The following GNAT2 variants were observed in gnomAD, a reference collection of about 807,000 sequenced individuals.
GNAT2 encodes the protein G protein subunit alpha transducin 2, also known as guanine nucleotide-binding protein G(t) subunit alpha-2.
In GNAT2, 32 loss-of-function variants were observed where a neutral mutation model predicts 40.9. The ratio of observed to expected loss-of-function variants is 0.78; its 90% CI spans 0.59 to 1.05. The LOEUF is 1.05. GNAT2 is among the 50% of genes least tolerant of loss of function. The pLI is 0.00. For missense variants in GNAT2, 355 were observed against 431.5 expected (o/e 0.82, Z 1.57); for synonymous variants, 141 against 157.2 (o/e 0.90, Z 0.77).
rs960869286 is a variant in GNAT2, at chr1:109,603,540, G to T, written c.879C>A (p.Asn293Lys). 1 of 1,603,748 alleles carries T rather than the reference G, an allele frequency of 6.2e-7. No individual in the cohort carries two copies. Among genetic ancestry groups the T allele is most frequent in the Non-Finnish European group, 8.5e-7 (1 of 1,170,642 alleles). The change falls in exon 9 of 9, where the codon AAC becomes AAA. Residue 293 changes from asparagine (N) to lysine (K), a missense_variant. Physicochemically the swap from Asn to Lys is moderately conservative, Grantham distance 94. Transcript: ENST00000679935. Reference protein sequence around the residue: ...LSICFPEYDGNNSYDDAGNYI... With the variant: ...LSICFPEYDGKNSYDDAGNYI... ...AATTCCCCGCATCATCATAGGAGTT[G>T]TTACCTGGTTTTCCAGAAAAATAGT...
At chr1:109,617,475 T>C (rs978981891) in intron 1 of GNAT2, 1 of 152,168 alleles carries the variant, frequency 6.6e-6, no homozygotes, top group African/African-American at 2.4e-5. Flanking sequence ...GCCCAGGCCA[T>C]AGGATGACTC....
chr1:109,605,431 G>C (rs1266829077), intron 7 of GNAT2: 1 of 197,604 alleles, frequency 5.1e-6, no homozygotes, highest in Non-Finnish European at 1.1e-5. Context: ...CCACTCTTGG[G>C]TAGTCTTCCA....
chr1:109,610,676 C>T, intron 2 of GNAT2, 169 bp from the exon 3 acceptor site: 2 of 687,162 alleles, frequency 2.9e-6, no homozygotes. Context: ...TCAGGCCATT[C>T]AACCTGGATT....
chr1:109,605,878 T>C, intron 7 of GNAT2, 92 bp downstream of exon 7: 1 of 1,141,484 alleles, frequency 8.8e-7, no homozygotes, highest in Non-Finnish European at 1.3e-6. Flanking sequence ...TGAAATTACC[T>C]AAGTTGGGGC....
At position 109,612,804 on chromosome 1, in the gene GNAT2, GCTT is replaced by G; in HGVS notation, c.64_66del (p.Lys22del). Reference sequence around the variant, plus strand: ...GCTTCCTTATCAGCATCCTCCTGCAGCTTCTTTTCTAGCTCCTTGGACCTCTTG... The same window carrying G: ...GCTTCCTTATCAGCATCCTCCTGCAGCTTTTCTAGCTCCTTGGACCTCTTG... On this transcript the variant is annotated inframe_deletion, in exon 2 of 9. Coordinates refer to ENST00000679935, the MANE Select transcript of GNAT2 (RefSeq NM_001377295.2). 2 of 1,613,360 alleles carry G rather than the reference GCTT, an allele frequency of 1.2e-6. No homozygotes were observed. The highest frequency in any genetic ancestry group is 1.7e-6 in the Non-Finnish European group (2 of 1,179,280).
chr1:109,604,434 G>A, intron 7 of GNAT2: 1 of 322,586 alleles, frequency 3.1e-6, no homozygotes, highest in South Asian at 3.1e-5. Flanking sequence ...AATGTGTTAT[G>A]CAGATCTTTA....
chr1:109,610,004 G>A (rs1471930452), intron 4 of GNAT2, 36 bp downstream of exon 4: 2 of 1,606,260 alleles, frequency 1.2e-6, no homozygotes, highest in Non-Finnish European at 1.7e-6. Flanking sequence ...TAGCCTTTCT[G>A]CTTCCACCCT....
chr1:109,608,847 C>T, intron 4 of GNAT2, 59 bp from the exon 5 acceptor site: 2 of 1,267,628 alleles, frequency 1.6e-6, no homozygotes, highest in Non-Finnish European at 2.3e-6. Flanking sequence ...CAGGAGGCTT[C>T]TGGGAATACT....
In GNAT2 at chr1:109,604,084, C is replaced by G. The variant is rs1443372900; in HGVS notation, c.741G>C (p.Leu247Phe). ...DDEVNRMHES[L>F]HLFNSICNHK... ...GGTTACATATGCTGTTGAACAGATG[C>G]AAAGACTCATGCATACGATTCTAGT... The change falls in exon 8 of 9, where the codon TTG becomes TTC. Residue 247 changes from leucine (L) to phenylalanine (F), a missense_variant. Transcript: ENST00000679935. 1.2e-6 allele frequency: 2 copies of G among 1,611,818 alleles called. No individual in the cohort carries two copies. Among genetic ancestry groups the G allele is most frequent in the African/African-American group, 1.3e-5 (1 of 74,880 alleles).
rs1186819985 is a variant in GNAT2 at position 109,610,013 on chromosome 1, C to T, written c.303+27G>A. The T allele has an allele frequency of 1.2e-6, 2 of 1,612,040 alleles. No individual in the cohort carries two copies. Among genetic ancestry groups the T allele is most frequent in the South Asian group, 1.1e-5 (1 of 91,012 alleles). ...TCTTGCTAGCCTTTCTGCTTCCACC[C>T]TTAACCACATAATAGTAATCACATA... is the stretch of plus-strand genomic sequence containing the variant. On this transcript the variant is annotated intron_variant, in intron 4 of 8. Coordinates refer to ENST00000679935, the MANE Select transcript of GNAT2 (RefSeq NM_001377295.2).
At chr1:109,609,646 T>C (rs934865258) in intron 4 of GNAT2, 4 of 321,412 alleles carry the variant, frequency 1.2e-5, no homozygotes, top group Non-Finnish European at 2.4e-5. Flanking sequence ...AAAATAAGGG[T>C]GGATGTTGCT....
In GNAT2 at chr1:109,619,547, T is replaced by G. The variant is rs1650068834; in HGVS notation, c.-118A>C. The G allele has an allele frequency of 6.6e-6, 1 of 152,326 alleles. No individual in the cohort carries two copies. Among genetic ancestry groups the G allele is most frequent in the African/African-American group, 2.4e-5 (1 of 41,450 alleles). The allele number at this position is 152,326 out of a possible 1,614,324, so 9.4% of individuals were successfully genotyped here. A position where few individuals can be genotyped will look rare whatever the true frequency, so the allele number is the denominator to read the frequency against. On this transcript the variant is annotated 5_prime_UTR_variant, in exon 1 of 9. Transcript: ENST00000679935. The stretch of plus-strand genomic sequence containing the variant: ...GCAGGGGCAGGACTTCTGCTTAAAA[T>G]GAATCCTGGGACAATGATAACAGCT...
intron 2 of GNAT2, chr1:109,610,935 G>A: frequency 3.8e-6 from 1 of 265,834 alleles, no homozygotes; most frequent in Non-Finnish European, 7.4e-6. Context: ...TTTGACTCAG[G>A]AGAGTGATCT....
intron 2 of GNAT2, chr1:109,611,986 T>C (rs1369056161): frequency 2.0e-5 from 3 of 152,530 alleles, no homozygotes; most frequent in Non-Finnish European, 2.9e-5. Flanking sequence ...CTACCCTACT[T>C]CTGTGGTACC....
chr1:109,613,468 A>G (rs1473461081), intron 1 of GNAT2: 3 of 164,626 alleles, frequency 1.8e-5, no homozygotes, highest in Non-Finnish European at 4.0e-5. Flanking sequence ...CCTTGGGAAG[A>G]TTAGGAATGT....
At chr1:109,608,579 T>G in intron 5 of GNAT2, 52 bp downstream of exon 5, 1 of 1,567,750 alleles carries the variant, frequency 6.4e-7, no homozygotes, top group South Asian at 1.1e-5. Context: ...GAGAGAAGAC[T>G]GGCTAGAAGA....
chr1:109,608,776 G>C lies in GNAT2; in HGVS notation c.316C>G (p.Gln106Glu), dbSNP rs753984783. ...ATGGAGTCAGCCAGGTTGTTGAGCT[G>C]TCGCCCGTCATCCTGTAATGCAGAA... is the stretch of plus-strand genomic sequence containing the variant. ...AEPSCADDGRQLNNLADSIEE... is the reference protein window; with the variant it reads ...AEPSCADDGRELNNLADSIEE... The change falls in exon 5 of 9, where the codon CAG (glutamine) becomes GAG (glutamate). Residue 106 changes from glutamine to glutamate, a missense_variant. Transcript: ENST00000679935. 1.2e-6 allele frequency: 2 copies of C among 1,613,898 alleles called. No individual in the cohort carries two copies. The highest frequency in any genetic ancestry group is 3.3e-5 in the Admixed American group (2 of 60,020).
intron 1 of GNAT2, among the ~76,000 whole-genome samples, chr1:109,618,629 T>A (rs1307236395): frequency 6.6e-6 from 1 of 152,268 alleles, no homozygotes; most frequent in Non-Finnish European, 1.5e-5. Context: ...GTGTCTCCCA[T>A]CTCACTAACT....
intron 5 of GNAT2, 78 bp from the exon 6 acceptor site, chr1:109,606,514 G>T: frequency 8.6e-7 from 1 of 1,166,558 alleles, no homozygotes; most frequent in Non-Finnish European, 1.3e-6. Context: ...CTTACCCAAA[G>T]TCACACAGCT....
Sources: allele counts gnomAD v4.1 joint callset (sites outside exome capture counted in the v4.1 genomes callset), GRCh38; gene constraint gnomAD v4.1.1; transcripts MANE v1.5; gene names NCBI Gene and HGNC (gene_info 2026-07-23, HGNC 2026-07-21).